Variants in RAF1 observed in about 807,000 individuals in gnomAD.
The protein encoded by RAF1 is RAF proto-oncogene serine/threonine-protein kinase.
In RAF1, 27 loss-of-function variants were observed where a neutral mutation model predicts 81.1. The ratio of observed to expected loss-of-function variants is 0.33; its 90% CI spans 0.25 to 0.46. The LOEUF is 0.46. Ranked by LOEUF, RAF1 falls within the 20% of genes least tolerant of loss-of-function variation. The pLI, the probability that RAF1 is intolerant of heterozygous loss-of-function variation, is 1.00. For synonymous variants in RAF1, 298 were observed against 294.0 expected (o/e 1.01, Z -0.14); for missense variants, 598 against 826.0 (o/e 0.72, Z 3.38).
intron 3 of RAF1, 137 bp downstream of exon 3, chr3:12,611,813 A>T: frequency 1.4e-6 from 1 of 725,858 alleles, no homozygotes; most frequent in Admixed American, 2.2e-5. Flanking sequence ...ATTTTTCTGA[A>T]TTATCTCTTT....
At chr3:12,598,816 T>C (rs999254013) in intron 11 of RAF1, among the ~76,000 whole-genome samples, 2 of 151,250 alleles carry the variant, frequency 1.3e-5, no homozygotes, top group African/African-American at 2.4e-5. Context: ...TAATACTCCA[T>C]TCATTTGATG....
At chr3:12,635,494 G>A (rs1323455556) in intron 1 of RAF1, among the ~76,000 whole-genome samples, 3 of 151,068 alleles carry the variant, frequency 2.0e-5, no homozygotes, top group Non-Finnish European at 2.9e-5. Flanking sequence ...AAATTAGCCC[G>A]GTGTGGTGGA....
intron 1 of RAF1, among the ~76,000 whole-genome samples, chr3:12,626,244 CA>C (rs201895405): frequency 0.47 from 49,377 of 104,080 alleles, 9,746 homozygotes; most frequent in East Asian, 0.87. Flanking sequence ...AACTCTGTCT[CA>C]AAAAAAAAAA....
At chr3:12,598,873 C>A (rs1286484516) in intron 11 of RAF1, among the ~76,000 whole-genome samples, 1 of 151,864 alleles carries the variant, frequency 6.6e-6, no homozygotes, top group African/African-American at 2.4e-5. Flanking sequence ...AAAGATAATT[C>A]CAGTGTCATC....
intron 8 of RAF1, among the ~76,000 whole-genome samples, chr3:12,603,164 T>G (rs2125392671): frequency 6.6e-6 from 1 of 152,220 alleles, no homozygotes; most frequent in East Asian, 1.9e-4. Flanking sequence ...GCCTAGAACT[T>G]CTGGGCTCCA....
intron 11 of RAF1, among the ~76,000 whole-genome samples, chr3:12,592,731 C>CTTTTTTTT (rs35189562): frequency 7.5e-5 from 8 of 107,224 alleles, no homozygotes; most frequent in East Asian, 6.8e-4. Flanking sequence ...TTAAAAGCCA[C>CTTTTTTTT]TTTTTTTTTT....
chr3:12,647,240 G>A lies in RAF1; in HGVS notation c.-27+16573C>T, dbSNP rs186127370. Among the ~76,000 whole-genome samples, 684 of 148,956 alleles carry A rather than the reference G, an allele frequency of 4.6e-3. 5 individuals are homozygous for A. Among genetic ancestry groups the A allele is most frequent in the African/African-American group, 0.016 (639 of 40,286 alleles). On this transcript the variant is annotated intron_variant, in intron 1 of 17. Coordinates refer to ENST00000442415, the MANE Select transcript of RAF1 (RefSeq NM_001354689.3). ...GAACCCAGGAGGCGAAGGCTGCAGT[G>A]AGCTGAGATCGCGCCACTGCACTCC...
At position 12,593,786 on chromosome 3, in the gene RAF1, C is replaced by CTTTTT. The variant is rs756831846; in HGVS notation, c.1169-1999_1169-1995dup. ...GTTCCCCAAGATGGGGGAGTAAATC[C>CTTTTT]TTTTTTTTTTTTTTTTTTTCTTTTT... is the stretch of plus-strand genomic sequence containing the variant. On this transcript the variant is annotated intron_variant, in intron 11 of 17. Transcript: ENST00000442415. Among the ~76,000 whole-genome samples, 208 of 111,248 alleles carry CTTTTT rather than the reference C, an allele frequency of 1.9e-3. 5 individuals are homozygous for CTTTTT. Among genetic ancestry groups the CTTTTT allele is most frequent in the African/African-American group, 5.7e-3 (181 of 31,658 alleles). The allele number at this position is 111,248 out of a possible 152,430, so 73.0% of individuals were successfully genotyped here.
At chr3:12,624,427 A>G (rs554108472) in intron 1 of RAF1, among the ~76,000 whole-genome samples, 11 of 152,332 alleles carry the variant, frequency 7.2e-5, no homozygotes, top group South Asian at 2.1e-4. Flanking sequence ...TCTTAAATGG[A>G]GATAATCAGA....
chr3:12,589,518 C>T (rs537509920), intron 13 of RAF1: 1 of 152,284 alleles, frequency 6.6e-6, no homozygotes, highest in East Asian at 1.9e-4. Flanking sequence ...AAGCACTACC[C>T]TAGGCTAGCC....
At chr3:12,600,361 G>A in intron 9 of RAF1, 27 bp downstream of exon 8, 1 of 1,614,094 alleles carries the variant, frequency 6.2e-7, no homozygotes, top group Non-Finnish European at 8.5e-7. Context: ...GCCCATTATT[G>A]TTGGCTAAAT....
chr3:12,586,171 GAGGGCCA>G (rs1179926382), intron 14 of RAF1, among the ~76,000 whole-genome samples: 1 of 152,212 alleles, frequency 6.6e-6, no homozygotes, highest in Non-Finnish European at 1.5e-5. Flanking sequence ...GTGCTCCCCA[GAGGGCCA>G]AGGATGGCCT....
intron 1 of RAF1, among the ~76,000 whole-genome samples, chr3:12,660,164 A>AT (rs2060830218): frequency 6.6e-6 from 1 of 151,890 alleles, no homozygotes; most frequent in South Asian, 2.1e-4. Flanking sequence ...ACTGTAATAT[A>AT]ATACTTGATG....
chr3:12,641,720 G>A (rs989333011), intron 1 of RAF1, among the ~76,000 whole-genome samples: 3 of 152,090 alleles, frequency 2.0e-5, no homozygotes, highest in African/African-American at 7.2e-5. Flanking sequence ...TTGAACTCCT[G>A]AGCTCAAGTG....
chr3:12,600,337 C>T, intron 9 of RAF1, 51 bp downstream of exon 8: 1 of 1,613,790 alleles, frequency 6.2e-7, no homozygotes, highest in Non-Finnish European at 8.5e-7. Context: ...AGATACACCG[C>T]ATAAAGAAAA....
chr3:12,627,520 T>C (rs899784800), intron 1 of RAF1, among the ~76,000 whole-genome samples: 4 of 152,230 alleles, frequency 2.6e-5, no homozygotes, highest in African/African-American at 7.2e-5. Flanking sequence ...GGATGACTCA[T>C]AATTGCCAGT....
rs550720201 is a variant in RAF1, at chr3:12,641,127, G to A, written c.-26-22380C>T. On this transcript the variant is annotated intron_variant, in intron 1 of 17. Transcript: ENST00000442415. ...CTATTGCAAGGACAGAAAACCAAAC[G>A]CCGCATATTCTCACACATAGGTGGG... Among the ~76,000 whole-genome samples the A allele has an allele frequency of 4.9e-4, 72 of 148,216 alleles. 1 individual carries two copies. The highest frequency in any genetic ancestry group is 1.5e-3 in the African/African-American group (61 of 40,376).
intron 13 of RAF1, chr3:12,590,020 G>GCCT (rs1334218500): frequency 6.6e-6 from 1 of 151,634 alleles, no homozygotes; most frequent in African/African-American, 2.4e-5. Flanking sequence ...CGAACTCCTG[G>GCCT]CCTCGTCATC....
At chr3:12,623,859 TTC>T (rs2059623071) in intron 1 of RAF1, among the ~76,000 whole-genome samples, 1 of 71,710 alleles carries the variant, frequency 1.4e-5, no homozygotes, top group Admixed American at 2.1e-4. Context: ...CTTTTCTTTT[TTC>T]TTTTTTTTTT....
Sources: gnomAD v4.1 joint callset for allele counts (sites outside exome capture counted in the v4.1 genomes callset) on GRCh38, gnomAD v4.1.1 for gene constraint, MANE v1.5 for transcripts, NCBI Gene and HGNC (gene_info 2026-07-23, HGNC 2026-07-21) for gene names.